The following LTBP1 variants were observed in gnomAD, a reference collection of about 807,000 sequenced individuals.
The protein encoded by LTBP1 is latent-transforming growth factor beta-binding protein 1.
Under a neutral mutation model 207.6 loss-of-function variants are expected in LTBP1, and 129 were observed. That is an observed-to-expected ratio of 0.62 (90% CI 0.54 to 0.72). The LOEUF (loss-of-function observed/expected upper bound fraction) is 0.72. LTBP1 is among the 30% of genes least tolerant of loss of function. The pLI, the probability that LTBP1 is intolerant of heterozygous loss-of-function variation, is 0.00. For synonymous variants in LTBP1, 963 were observed against 833.7 expected (o/e 1.16, Z -2.67); for missense variants, 2,281 against 2,217.2 (o/e 1.03, Z -0.58).
chr2:33,053,165 C>T (rs2076828724), intron 3 of LTBP1, among the ~76,000 whole-genome samples: 1 of 152,222 alleles, frequency 6.6e-6, no homozygotes, highest in African/African-American at 2.4e-5. Context: ...GCCACCGCGC[C>T]TGGCCTAAAA....
intron 12 of LTBP1, among the ~76,000 whole-genome samples, chr2:33,258,579 G>A (rs192552092): frequency 2.0e-4 from 31 of 152,288 alleles, no homozygotes; most frequent in African/African-American, 7.2e-4. Context: ...GTATTAATCA[G>A]TTTGCCCCTG....
At chr2:33,298,285 GTGTA>G (rs1224375626) in intron 20 of LTBP1, among the ~76,000 whole-genome samples, 1 of 152,144 alleles carries the variant, frequency 6.6e-6, no homozygotes, top group East Asian at 1.9e-4. Flanking sequence ...GTTATTCCAA[GTGTA>G]TGTGTCATTA....
intron 3 of LTBP1, among the ~76,000 whole-genome samples, chr2:33,103,631 GTT>G (rs1491236881): frequency 1.9e-4 from 28 of 147,678 alleles, no homozygotes; most frequent in Admixed American, 8.8e-4. Context: ...GTGTGTGAGT[GTT>G]ATGCTGCCAT....
intron 31 of LTBP1, among the ~76,000 whole-genome samples, chr2:33,371,060 G>A (rs1466821256): frequency 6.6e-6 from 1 of 152,146 alleles, no homozygotes; most frequent in Non-Finnish European, 1.5e-5. Flanking sequence ...TTGCATATTG[G>A]TACCACATGC....
At chr2:33,141,168 T>C (rs1483847284) in intron 5 of LTBP1, among the ~76,000 whole-genome samples, 1 of 152,220 alleles carries the variant, frequency 6.6e-6, no homozygotes, top group African/African-American at 2.4e-5. Context: ...ACCTCAAAGA[T>C]GCTAAGTCAA....
At chr2:33,062,081 G>A (rs1447876562) in intron 3 of LTBP1, among the ~76,000 whole-genome samples, 1 of 152,020 alleles carries the variant, frequency 6.6e-6, no homozygotes, top group Non-Finnish European at 1.5e-5. Context: ...AGCTTTTAAT[G>A]TACATATTAA....
chr2:33,002,316 T>A (rs536975995), intron 2 of LTBP1, among the ~76,000 whole-genome samples: 3 of 152,242 alleles, frequency 2.0e-5, no homozygotes, highest in African/African-American at 7.2e-5. Flanking sequence ...TTTGTGCAGG[T>A]GGTGGAGTGA....
intron 2 of LTBP1, among the ~76,000 whole-genome samples, chr2:33,020,509 G>T (rs1003644541): frequency 8.5e-5 from 13 of 152,206 alleles, no homozygotes; most frequent in African/African-American, 3.1e-4. Flanking sequence ...GGAGGCAGAT[G>T]CAGTAAAATG....
At chr2:33,336,289 G>A (rs115447645) in intron 24 of LTBP1, among the ~76,000 whole-genome samples, 1,837 of 152,252 alleles carry the variant, frequency 0.012, 18 homozygotes, top group Non-Finnish European at 0.018. Context: ...CATCATCTAG[G>A]ACTAACCTTT....
chr2:33,280,502 A>G (rs1017809394), intron 19 of LTBP1, among the ~76,000 whole-genome samples: 1 of 152,230 alleles, frequency 6.6e-6, no homozygotes, highest in Non-Finnish European at 1.5e-5. Context: ...ACCACAGACA[A>G]GTAGAATTAG....
chr2:33,248,149 C>T (rs775196321), intron 10 of LTBP1, among the ~76,000 whole-genome samples: 1 of 152,230 alleles, frequency 6.6e-6, no homozygotes, highest in Non-Finnish European at 1.5e-5. Context: ...CAGATCTGTA[C>T]AAGCTGCTTG....
rs371633216 is a variant in LTBP1 at position 33,380,401 on chromosome 2, ACT to A, written c.4712-8780_4712-8779del. On this transcript the variant is annotated intron_variant, in intron 31 of 33. Coordinates refer to ENST00000404816, the MANE Select transcript of LTBP1 (RefSeq NM_206943.4). ...AGACCAGCCTGGCCAACGTGGTGAAACTCTGTTTCTACTAAAAAAATACAAAA... is the reference window on the plus strand; with the variant it reads ...AGACCAGCCTGGCCAACGTGGTGAAACTGTTTCTACTAAAAAAATACAAAA... Among the ~76,000 whole-genome samples, 239 of 143,400 alleles carry A rather than the reference ACT, an allele frequency of 1.7e-3. 1 individual carries two copies. The highest frequency in any genetic ancestry group is 2.9e-3 in the Non-Finnish European group (197 of 66,848). The allele number at this position is 143,400 out of a possible 152,430, so 94.1% of individuals were successfully genotyped here.
intron 4 of LTBP1, among the ~76,000 whole-genome samples, chr2:33,123,378 C>T (rs2150417609): frequency 6.6e-6 from 1 of 152,150 alleles, no homozygotes; most frequent in South Asian, 2.1e-4. Flanking sequence ...ATCATGCCTC[C>T]TGTTCATTCA....
At chr2:33,282,657 C>T (rs1373164932) in intron 19 of LTBP1, among the ~76,000 whole-genome samples, 2 of 152,148 alleles carry the variant, frequency 1.3e-5, no homozygotes, top group African/African-American at 4.8e-5. Context: ...TTGTCTTAAG[C>T]CTAGTTTTGA....
chr2:33,339,768 C>G (rs2094594881), intron 24 of LTBP1, among the ~76,000 whole-genome samples: 1 of 151,872 alleles, frequency 6.6e-6, no homozygotes, highest in Admixed American at 6.6e-5. Flanking sequence ...GCCTCAGCCT[C>G]CCAAGTAACT....
chr2:33,228,132 A>T (rs2091559227), intron 9 of LTBP1, among the ~76,000 whole-genome samples: 1 of 152,100 alleles, frequency 6.6e-6, no homozygotes, highest in Non-Finnish European at 1.5e-5. Flanking sequence ...GCTTTATTTT[A>T]TTTGGTCCAG....
intron 3 of LTBP1, among the ~76,000 whole-genome samples, chr2:33,060,601 A>G (rs2077217430): frequency 6.6e-6 from 1 of 151,100 alleles, no homozygotes; most frequent in Admixed American, 6.6e-5. Flanking sequence ...GGAGGGAGGC[A>G]GGGAGGGAAC....
intron 3 of LTBP1, among the ~76,000 whole-genome samples, chr2:33,070,008 G>C (rs751276349): frequency 2.0e-5 from 3 of 152,148 alleles, no homozygotes; most frequent in African/African-American, 7.2e-5. Flanking sequence ...ACTTCTTACA[G>C]TGAAAGCATA....
chr2:33,375,688 C>G (rs1441951483), intron 31 of LTBP1, among the ~76,000 whole-genome samples: 1 of 151,046 alleles, frequency 6.6e-6, no homozygotes, highest in Admixed American at 6.6e-5. Context: ...CCACCATGCC[C>G]GGCTAATTTT....
Sources: allele counts gnomAD v4.1 joint callset (sites outside exome capture counted in the v4.1 genomes callset), GRCh38; gene constraint gnomAD v4.1.1; transcripts MANE v1.5; gene names NCBI Gene and HGNC (gene_info 2026-07-23, HGNC 2026-07-21).